PYROXD1: variants seen among roughly 807,000 people sequenced by gnomAD.
PYROXD1 encodes the protein tRNA ligase complex-associated NAD(P)H dehydrogenase PYROXD1.
PYROXD1 carries 42 observed loss-of-function variants against 62.0 expected under a neutral mutation model. That is an observed-to-expected ratio of 0.68 (90% CI 0.53 to 0.88). PYROXD1 has a LOEUF of 0.88. Ranked by LOEUF, PYROXD1 falls within the 40% of genes least tolerant of loss-of-function variation. PYROXD1 has a pLI of 0.00. For missense variants in PYROXD1, 493 were observed against 604.8 expected (o/e 0.82, Z 1.94); for synonymous variants, 170 against 206.4 (o/e 0.82, Z 1.51).
intron 1 of PYROXD1, 126 bp downstream of exon 1, chr12:21,437,940 A>T: frequency 1.2e-6 from 1 of 819,684 alleles, no homozygotes; most frequent in South Asian, 1.8e-5. Context: ...CCTTTTCCGC[A>T]CTTATTGCTC....
At chr12:21,458,927 T>C (rs1042904495) in intron 7 of PYROXD1, among the ~76,000 whole-genome samples, 1 of 152,188 alleles carries the variant, frequency 6.6e-6, no homozygotes, top group African/African-American at 2.4e-5. Flanking sequence ...GCACATGCTA[T>C]TGGAAAAATG....
Position 21,469,218 on chromosome 12 carries a change from TC to T in PYROXD1, c.*466del, listed in dbSNP as rs1263588380. 2 of 157,772 alleles carry T rather than the reference TC, an allele frequency of 1.3e-5. No homozygotes were observed. The highest frequency in any genetic ancestry group is 2.8e-5 in the Non-Finnish European group (2 of 71,760). The allele number at this position is 157,772 out of a possible 1,614,324, so 9.8% of individuals were successfully genotyped here. A position where few individuals can be genotyped will look rare whatever the true frequency, so the allele number is the denominator to read the frequency against. On this transcript the variant is annotated 3_prime_UTR_variant, in exon 12 of 12. Coordinates refer to ENST00000240651, the MANE Select transcript of PYROXD1 (RefSeq NM_024854.5). Reference sequence around the variant, plus strand: ...GCTAATATTTATATTGATGACTTACTCCTTTTTTGTTGAATTGTACTTCTGG... The same window carrying T: ...GCTAATATTTATATTGATGACTTACTCTTTTTTGTTGAATTGTACTTCTGG...
At chr12:21,461,924 C>T (rs1340558324) in intron 8 of PYROXD1, 84 bp from the exon 9 acceptor site, 6 of 666,460 alleles carry the variant, frequency 9.0e-6, no homozygotes, top group East Asian at 2.7e-5. Flanking sequence ...TTCTTTGTTT[C>T]TAGTCATTGT....
rs1221251441 is a variant in PYROXD1, at chr12:21,456,006, G to A, written c.661G>A (p.Glu221Lys). The A allele has an allele frequency of 1.2e-6, 2 of 1,603,890 alleles. No individual in the cohort carries two copies. The highest frequency in any genetic ancestry group is 1.7e-5 in the Admixed American group (1 of 58,896). ...TTTCATCTCTTTAGGAAGGAAAAAG[G>A]AAGCTAGAAGCAAATCTAAAGCAGA... Reference protein sequence around the residue: ...TRYTTEGRKKEARSKSKADNV... With the variant: ...TRYTTEGRKKKARSKSKADNV... Residue 221 changes from glutamate (E) to lysine (K), a missense_variant, in exon 7 of 12, where the codon GAA becomes AAA. Physicochemically the swap from Glu to Lys is moderately conservative, Grantham distance 56. This residue lies in a region of PYROXD1 where 329 missense variants were observed against 446.6 expected (regional missense o/e 0.74). Transcript: ENST00000240651.
At chr12:21,451,967 T>A (rs1016191956) in intron 4 of PYROXD1, 114 bp from the exon 5 acceptor site, 2 of 683,736 alleles carry the variant, frequency 2.9e-6, no homozygotes, top group Non-Finnish European at 4.8e-6. Context: ...TTCATTTTTT[T>A]CCTTTACAAA....
At chr12:21,453,900 C>T (rs1043474789) in intron 5 of PYROXD1, among the ~76,000 whole-genome samples, 4 of 151,934 alleles carry the variant, frequency 2.6e-5, no homozygotes, top group African/African-American at 9.7e-5. Context: ...AACTGTATGC[C>T]TGTATGTAAA....
At chr12:21,464,479 A>G (rs1284643488) in intron 10 of PYROXD1, among the ~76,000 whole-genome samples, 7 of 152,142 alleles carry the variant, frequency 4.6e-5, no homozygotes, top group Admixed American at 1.3e-4. Flanking sequence ...GAAATGCTTA[A>G]AACTCATGTC....
At chr12:21,467,728 C>A in intron 11 of PYROXD1, 110 bp downstream of exon 11, 2 of 839,644 alleles carry the variant, frequency 2.4e-6, no homozygotes, top group African/African-American at 1.7e-5. Flanking sequence ...TAATCATCTA[C>A]AAAAAAATGA....
chr12:21,455,462 TTA>T lies in PYROXD1; in HGVS notation c.649+185_649+186del, dbSNP rs10595518. Among the ~76,000 whole-genome samples the T allele has an allele frequency of 0.49, 73,264 of 148,316 alleles. 18,066 individuals carry two copies. The highest frequency in any genetic ancestry group is 0.58 in the Middle Eastern group (164 of 282). On this transcript the variant is annotated intron_variant, in intron 6 of 11. Transcript: ENST00000240651. ...TCTATTTTATATATATGTATGTATT[TTA>T]TATATATATATATAATTAAAACAAG...
intron 4 of PYROXD1, among the ~76,000 whole-genome samples, chr12:21,451,288 A>G (rs911913088): frequency 2.6e-5 from 4 of 151,748 alleles, no homozygotes; most frequent in Non-Finnish European, 4.4e-5. Context: ...CATGTGCACC[A>G]AGTGCAGGTT....
At chr12:21,459,337 A>G (rs1039699687) in intron 7 of PYROXD1, among the ~76,000 whole-genome samples, 14 of 152,314 alleles carry the variant, frequency 9.2e-5, no homozygotes, top group Middle Eastern at 6.8e-3. Context: ...AACATGTGGA[A>G]GTTGCTAGAG....
intron 8 of PYROXD1, among the ~76,000 whole-genome samples, 185 bp downstream of exon 8, chr12:21,461,339 A>G (rs1185799174): frequency 6.6e-6 from 1 of 152,202 alleles, no homozygotes; most frequent in Non-Finnish European, 1.5e-5. Flanking sequence ...GTTTTCTAGT[A>G]AATTAAATCG....
At chr12:21,452,567 A>G (rs1942521174) in intron 5 of PYROXD1, among the ~76,000 whole-genome samples, 1 of 152,026 alleles carries the variant, frequency 6.6e-6, no homozygotes, top group Admixed American at 6.6e-5. Context: ...CATTTATGTT[A>G]CCTGTCTGGC....
intron 9 of PYROXD1, among the ~76,000 whole-genome samples, chr12:21,462,427 T>G (rs911444386): frequency 2.0e-5 from 3 of 149,686 alleles, no homozygotes; most frequent in Non-Finnish European, 3.0e-5. Flanking sequence ...AGAAACCATC[T>G]TGTATTTTTT....
At position 21,445,466 on chromosome 12, in the gene PYROXD1, C is replaced by T. The variant is rs757097924; in HGVS notation, c.285C>T (p.His95=). ...SGVKQLKSEE[H]CIVTEDGNQH... ...TAAAGCAACTGAAGAGTGAAGAACA[C>T]GTAAGATAATTGTTTTCTTAATAAC... Residue 95 remains histidine, a splice_region_variant and synonymous_variant, in exon 3 of 12, where the codon CAC becomes CAT. Coordinates refer to ENST00000240651, the MANE Select transcript of PYROXD1 (RefSeq NM_024854.5). 1.2e-5 allele frequency: 19 copies of T among 1,581,720 alleles called. No individual in the cohort carries two copies. The highest frequency in any genetic ancestry group is 2.4e-5 in the South Asian group (2 of 84,440).
rs374038779 is a variant in PYROXD1, at chr12:21,471,056, C to A, written c.*2302C>A. The A allele has an allele frequency of 6.2e-6, 10 of 1,601,794 alleles. No individual in the cohort carries two copies. The African/African-American group carries it at 1.2e-4, about 19-fold the overall frequency. ...GAAGATTAGCTTTAGGTCCTATTTT[C>A]AAATACGAAATGGTAGCATAAGCTG... On this transcript the variant is annotated 3_prime_UTR_variant, in exon 12 of 12. Transcript: ENST00000240651.
At chr12:21,440,661 T>A (rs563583621) in intron 2 of PYROXD1, among the ~76,000 whole-genome samples, 1 of 128,004 alleles carries the variant, frequency 7.8e-6, no homozygotes, top group Admixed American at 7.8e-5. Context: ...TTTATTTCTT[T>A]CTGTCACCTA....
intron 3 of PYROXD1, 37 bp from the exon 4 acceptor site, chr12:21,449,526 T>C (rs776321008): frequency 1.3e-6 from 2 of 1,585,348 alleles, no homozygotes; most frequent in African/African-American, 1.4e-5. Flanking sequence ...GTTGATTATG[T>C]GTCTCCCTTT....
Position 21,442,837 on chromosome 12 carries a change from A to G in PYROXD1, c.165+2389A>G, listed in dbSNP as rs565595654. Among the ~76,000 whole-genome samples the G allele has an allele frequency of 7.9e-5, 12 of 152,272 alleles. No individual in the cohort carries two copies. In the East Asian group the frequency reaches 2.3e-3, roughly 29 times the overall value. On this transcript the variant is annotated intron_variant, in intron 2 of 11. Coordinates refer to ENST00000240651, the MANE Select transcript of PYROXD1 (RefSeq NM_024854.5). ...GGTCCCCACCATGTGGCTGATACTG[A>G]TAGCCTCTGCCTTTCTTTGCTCCTA...
Sources: gnomAD v4.1 joint callset for allele counts (sites outside exome capture counted in the v4.1 genomes callset) on GRCh38, gnomAD v4.1.1 for gene constraint, gnomAD v4.1.1 regional missense constraint, MANE v1.5 for transcripts, NCBI Gene and HGNC (gene_info 2026-07-23, HGNC 2026-07-21) for gene names.